FBXO34: variants seen among roughly 807,000 people sequenced by gnomAD.
The protein encoded by FBXO34 is F-box only protein 34.
Under a neutral mutation model 24.5 loss-of-function variants are expected in FBXO34, and 12 were observed. That is an observed-to-expected ratio of 0.49 (90% CI 0.31 to 0.79). The LOEUF (loss-of-function observed/expected upper bound fraction) is 0.79, where lower values mean the gene tolerates loss of function less well. FBXO34 is among the 30% of genes least tolerant of loss of function. FBXO34 has a pLI of 0.04. For synonymous variants in FBXO34, 320 were observed against 311.9 expected, an observed-to-expected ratio of 1.03 and a Z score of -0.27; for missense variants, 823 against 857.7, an observed-to-expected ratio of 0.96 and a Z score of 0.51.
the FBXO34 span, among the ~76,000 whole-genome samples, chr14:55,409,764 G>A: frequency 1.3e-5 from 2 of 152,156 alleles, no homozygotes; most frequent in Non-Finnish European, 2.9e-5. Context: ...ATAGAACTTT[G>A]GTTAAGGACT....
At chr14:55,323,225 A>ATATATTT (rs1555337925) in intron 1 of FBXO34, among the ~76,000 whole-genome samples, 7 of 19,206 alleles carry the variant, frequency 3.6e-4, no homozygotes, top group Admixed American at 3.0e-3. Flanking sequence ...AAAAATATAT[A>ATATATTT]TTTTTTTTTT....
At chr14:55,320,230 G>A (rs1328353460) in intron 1 of FBXO34, among the ~76,000 whole-genome samples, 2 of 152,120 alleles carry the variant, frequency 1.3e-5, no homozygotes, top group East Asian at 3.9e-4. Context: ...GGCATGGTTT[G>A]GGGAGAATTA....
chr14:55,283,010 G>GTTGTCAGTA (rs1353572934), intron 1 of FBXO34, among the ~76,000 whole-genome samples: 1 of 152,134 alleles, frequency 6.6e-6, no homozygotes, highest in African/African-American at 2.4e-5. Context: ...TTCTCTGGAG[G>GTTGTCAGTA]TTGTCAGTAC....
the FBXO34 span, among the ~76,000 whole-genome samples, chr14:55,391,662 C>T: frequency 6.6e-6 from 1 of 152,144 alleles, no homozygotes; most frequent in South Asian, 2.1e-4. Context: ...CAGTTCCTTA[C>T]TCACACCACC....
Position 55,350,975 on chromosome 14 carries a change from T to C in FBXO34, c.585T>C (p.Ser195=), listed in dbSNP as rs1467503267. The C allele has an allele frequency of 8.1e-6, 13 of 1,614,020 alleles. No individual in the cohort carries two copies. The African/African-American group carries it at 1.3e-4, about 17-fold the overall frequency. The change falls in exon 2 of 2, where the codon AGT becomes AGC. Residue 195 remains serine, a synonymous_variant. Transcript: ENST00000313833. ...GTTCTGTGCACTATGTGAGTGACAGTGGGGATGGAGTCTATGCTGGGAGGC... is the reference window on the plus strand; with the variant it reads ...GTTCTGTGCACTATGTGAGTGACAGCGGGGATGGAGTCTATGCTGGGAGGC... The part of the protein sequence containing the change: ...EHCSVHYVSD[S]GDGVYAGRPL...
At chr14:55,368,734 C>G (rs1884742213), downstream of FBXO34, 1 of 152,210 alleles carries the variant, frequency 6.6e-6, no homozygotes, top group African/African-American at 2.4e-5. Flanking sequence ...GGCCACTTAA[C>G]TAAGTGGCTT....
the FBXO34 span, among the ~76,000 whole-genome samples, chr14:55,416,963 T>C: frequency 6.6e-6 from 1 of 152,026 alleles, no homozygotes; most frequent in African/African-American, 2.4e-5. Context: ...AGCTCAGGAG[T>C]AGAGCATTGG....
At chr14:55,308,887 C>G (rs1045438631) in intron 1 of FBXO34, among the ~76,000 whole-genome samples, 1 of 152,182 alleles carries the variant, frequency 6.6e-6, no homozygotes, top group African/African-American at 2.4e-5. Flanking sequence ...GCATTTCTTT[C>G]TAACCACTGC....
the FBXO34 span, among the ~76,000 whole-genome samples, chr14:55,400,909 TAAATA>T: frequency 0.057 from 8,121 of 143,248 alleles, 268 homozygotes; most frequent in Middle Eastern, 0.11. Flanking sequence ...CTCAAATAAA[TAAATA>T]AAATAAAATA....
chr14:55,441,470 T>TC, the FBXO34 span, among the ~76,000 whole-genome samples: 1 of 152,196 alleles, frequency 6.6e-6, no homozygotes, highest in Middle Eastern at 3.2e-3. Flanking sequence ...ATGTTTTTTT[T>TC]CTCTTGAGCA....
downstream of FBXO34, among the ~76,000 whole-genome samples, chr14:55,356,546 C>T (rs369694230): frequency 1.3e-5 from 2 of 152,174 alleles, no homozygotes; most frequent in Admixed American, 6.5e-5. Flanking sequence ...CTGCTGGGTT[C>T]AAGTGATTCT....
At chr14:55,392,008 C>CT in the FBXO34 span, among the ~76,000 whole-genome samples, 1 of 152,162 alleles carries the variant, frequency 6.6e-6, no homozygotes. Flanking sequence ...TGGTCCCCAA[C>CT]TTTTTTGGCA....
At chr14:55,439,412 C>G in the FBXO34 span, among the ~76,000 whole-genome samples, 1 of 152,064 alleles carries the variant, frequency 6.6e-6, no homozygotes, top group Non-Finnish European at 1.5e-5. Context: ...CAGGGGCTCT[C>G]TGTTTCCCCT....
intron 1 of FBXO34, among the ~76,000 whole-genome samples, chr14:55,283,212 C>T (rs577720752): frequency 6.6e-6 from 1 of 152,138 alleles, no homozygotes; most frequent in Admixed American, 6.5e-5. Flanking sequence ...ATTGAATCGT[C>T]TTTCATTTGA....
chr14:55,399,446 A>G, the FBXO34 span, among the ~76,000 whole-genome samples: 1 of 152,218 alleles, frequency 6.6e-6, no homozygotes, highest in Non-Finnish European at 1.5e-5. Context: ...CCAGTATTAG[A>G]AAACTCAGAA....
At chr14:55,273,269 A>G (rs1451501210) in intron 1 of FBXO34, among the ~76,000 whole-genome samples, 1 of 152,066 alleles carries the variant, frequency 6.6e-6, no homozygotes, top group Non-Finnish European at 1.5e-5. Flanking sequence ...TTACATCAAC[A>G]TGCAGATGGA....
At chr14:55,397,427 C>T in the FBXO34 span, 48 of 1,612,252 alleles carry the variant, frequency 3.0e-5, no homozygotes, top group Middle Eastern at 1.6e-4. Context: ...TCCTTCTTGT[C>T]GATAAACCTG....
the FBXO34 span, among the ~76,000 whole-genome samples, chr14:55,434,403 C>A: frequency 6.6e-6 from 1 of 152,134 alleles, no homozygotes; most frequent in Non-Finnish European, 1.5e-5. Context: ...CCTGCTCCTA[C>A]ACAGATAGTC....
intron 1 of FBXO34, among the ~76,000 whole-genome samples, chr14:55,321,094 ATG>A (rs1218838027): frequency 6.6e-6 from 1 of 151,990 alleles, no homozygotes; most frequent in Non-Finnish European, 1.5e-5. Context: ...ACTTTTTAGA[ATG>A]TGGACTTTCC....
Sources: allele counts gnomAD v4.1 joint callset (sites outside exome capture counted in the v4.1 genomes callset), GRCh38; gene constraint gnomAD v4.1.1; transcripts MANE v1.5; gene names NCBI Gene and HGNC (gene_info 2026-07-23, HGNC 2026-07-21).